The following ARMH1 variants were observed in gnomAD, a reference collection of about 807,000 sequenced individuals.
ARMH1 encodes armadillo like helical domain containing 1.
In ARMH1, 34 loss-of-function variants were observed where a neutral mutation model predicts 50.2. That is an observed-to-expected ratio of 0.68 (90% CI 0.51 to 0.90). The LOEUF (loss-of-function observed/expected upper bound fraction) is 0.90, where lower values mean the gene tolerates loss of function less well. ARMH1 is among the 40% of genes least tolerant of loss of function. The pLI is 0.00. For synonymous variants in ARMH1, 221 were observed against 224.2 expected, an observed-to-expected ratio of 0.99 and a Z score of 0.13; for missense variants, 538 against 553.9, an observed-to-expected ratio of 0.97 and a Z score of 0.29.
At chr1:44,708,436 G>C (rs1438528532) in intron 6 of ARMH1, among the ~76,000 whole-genome samples, 1 of 152,180 alleles carries the variant, frequency 6.6e-6, no homozygotes. Flanking sequence ...CTGAATATCT[G>C]TGATGTGCCA....
chr1:44,689,944 G>A (rs1464615335), intron 2 of ARMH1, 41 bp downstream of exon 2: 5 of 1,528,020 alleles, frequency 3.3e-6, no homozygotes. Context: ...TAGGCACCGG[G>A]CACGGTGGCT....
Position 44,700,848 on chromosome 1 carries a change from C to T in ARMH1, c.443-75C>T. ...TGGTTGAAGAGCTTTTAATCCTATT[C>T]ATATTATATAATCTTGAGTGGGGAT... On this transcript the variant is annotated intron_variant, in intron 4 of 11. Coordinates refer to ENST00000535358, the MANE Select transcript of ARMH1 (RefSeq NM_001145636.2). The T allele has an allele frequency of 3.1e-6, 4 of 1,298,768 alleles. No homozygotes were observed. The South Asian group carries it at 4.7e-5, about 15-fold the overall frequency. 80.5% of individuals were successfully genotyped at this position (1,298,768 alleles called of 1,614,324 possible). A position where few individuals can be genotyped will look rare whatever the true frequency, so the allele number is the denominator to read the frequency against.
intron 4 of ARMH1, among the ~76,000 whole-genome samples, chr1:44,700,575 C>G (rs1467389524): frequency 6.8e-6 from 1 of 147,186 alleles, no homozygotes; most frequent in Non-Finnish European, 1.5e-5. Context: ...GAGATCGCAC[C>G]ACTGTACTCC....
chr1:44,704,869 C>T (rs1193702928), intron 6 of ARMH1, among the ~76,000 whole-genome samples: 72 of 137,066 alleles, frequency 5.3e-4, no homozygotes, highest in Middle Eastern at 9.4e-3. Context: ...GAATCTCGCT[C>T]TGTCATCCAG....
chr1:44,721,794 C>G (rs138372675), intron 6 of ARMH1: 12 of 151,764 alleles, frequency 7.9e-5, no homozygotes, highest in African/African-American at 1.9e-4. Flanking sequence ...TCAGCCTTGC[C>G]TAGGCAAGAC....
chr1:44,676,935 GA>G (rs1323705055), intron 1 of ARMH1, among the ~76,000 whole-genome samples: 1 of 152,094 alleles, frequency 6.6e-6, no homozygotes, highest in Non-Finnish European at 1.5e-5. Flanking sequence ...TGGTGCCCTT[GA>G]AAAAAAGACT....
rs754538619 is a variant in ARMH1 at position 44,689,447 on chromosome 1, T to C, written c.-22-229T>C. Among the ~76,000 whole-genome samples the C allele has an allele frequency of 2.6e-5, 4 of 152,240 alleles. 1 individual carries two copies. The highest frequency in any genetic ancestry group is 5.9e-5 in the Non-Finnish European group (4 of 68,026). ...GGACGCCAAAGAGCTAAAATTTTAG[T>C]TCTTAAAGAGCAGACATTTAGCACA... On this transcript the variant is annotated intron_variant, in intron 1 of 11. Transcript: ENST00000535358.
At chr1:44,698,349 C>T (rs770289965) in intron 4 of ARMH1, 120 bp downstream of exon 4, 6 of 855,518 alleles carry the variant, frequency 7.0e-6, no homozygotes, top group Admixed American at 3.4e-5. Flanking sequence ...GCTTTTTGTG[C>T]TCCTGTCCAT....
chr1:44,710,552 T>C (rs978900197), intron 6 of ARMH1, among the ~76,000 whole-genome samples: 1 of 135,102 alleles, frequency 7.4e-6, no homozygotes, highest in African/African-American at 2.9e-5. Flanking sequence ...GAGCTTGCAG[T>C]GAGCCGAGAT....
intron 6 of ARMH1, among the ~76,000 whole-genome samples, chr1:44,716,939 T>G (rs114128295): frequency 0.011 from 1,738 of 151,580 alleles, 29 homozygotes; most frequent in African/African-American, 0.041. Context: ...CAACCTCTGC[T>G]GCACAGGTAA....
intron 6 of ARMH1, among the ~76,000 whole-genome samples, chr1:44,718,196 G>A (rs981847023): frequency 6.6e-6 from 1 of 152,160 alleles, no homozygotes; most frequent in Non-Finnish European, 1.5e-5. Flanking sequence ...ACCAAGTCAT[G>A]TCTTGCTGCA....
chr1:44,720,127 G>T (rs1344498670), intron 6 of ARMH1, among the ~76,000 whole-genome samples: 7 of 149,580 alleles, frequency 4.7e-5, no homozygotes, highest in African/African-American at 1.5e-4. Context: ...AATCCATGAG[G>T]CAGAGGTTGC....
chr1:44,689,688 C>T lies in ARMH1; in HGVS notation c.-10C>T. 1 of 1,551,766 alleles carries T rather than the reference C, an allele frequency of 6.4e-7. No individual in the cohort carries two copies. ...CCTCCCTCTGTAGCCAACTTCAGGA[C>T]TGATTGATCATGACTTCTATAAAGG... On this transcript the variant is annotated 5_prime_UTR_variant, in exon 2 of 12. Coordinates refer to ENST00000535358, the MANE Select transcript of ARMH1 (RefSeq NM_001145636.2).
intron 6 of ARMH1, among the ~76,000 whole-genome samples, chr1:44,720,794 C>T (rs767524660): frequency 1.3e-5 from 2 of 151,870 alleles, no homozygotes; most frequent in Admixed American, 6.6e-5. Context: ...CCAGCACTTT[C>T]GGAGGCCAAG....
rs1158735635 is a variant in ARMH1, at chr1:44,682,032, C to T, written c.-23+7159C>T. ...TCTGCCCTGCCAGTCTGTAAGCACC[C>T]GAGGGCAAGGTCTATGTTTGTCACG... On this transcript the variant is annotated intron_variant, in intron 1 of 11. Transcript: ENST00000535358. This position sits in a 1 kb window ranked among gnomAD's most constrained non-coding sequence, Gnocchi z 4.5. Among the ~76,000 whole-genome samples the T allele has an allele frequency of 6.6e-6, 1 of 152,256 alleles. No homozygotes were observed. The highest frequency in any genetic ancestry group is 2.4e-5 in the African/African-American group (1 of 41,546).
Position 44,697,170 on chromosome 1 carries a change from G to A in ARMH1, c.275G>A (p.Ser92Asn). Residue 92 changes from serine (S) to asparagine (N), a missense_variant and splice_region_variant, in exon 3 of 12, where the codon AGT (serine) becomes AAT (asparagine). Coordinates refer to ENST00000535358, the MANE Select transcript of ARMH1 (RefSeq NM_001145636.2). ...SIGIFLSAVS[S>N]NRYLIEFLEV... is the part of the protein sequence containing the mutation. The stretch of plus-strand genomic sequence containing the variant: ...GGCATCTTCTTATCAGCTGTAAGCA[G>A]GTGAGTTCTGTTCTAGCGTGATTCT... The A allele has an allele frequency of 6.4e-7, 1 of 1,551,392 alleles. No individual in the cohort carries two copies. The highest frequency in any genetic ancestry group is 8.7e-7 in the Non-Finnish European group (1 of 1,146,286).
chr1:44,689,921 GA>G lies in ARMH1; in HGVS notation c.206+29del, dbSNP rs373236704. 17,836 of 1,094,144 alleles carry G rather than the reference GA, an allele frequency of 0.016. 8 individuals are homozygous for G. The highest frequency in any genetic ancestry group is 0.021 in the Admixed American group (681 of 33,214). The allele number at this position is 1,094,144 out of a possible 1,614,324, so 67.8% of individuals were successfully genotyped here. On this transcript the variant is annotated intron_variant, in intron 2 of 11. Transcript: ENST00000535358. ...AGAATCACGTATCCTTTACTGAACA[GA>G]AAAAAAAAAATTAGGCACCGGGCAC... is the stretch of plus-strand genomic sequence containing the variant.
intron 6 of ARMH1, among the ~76,000 whole-genome samples, chr1:44,720,592 A>G (rs1647058337): frequency 6.6e-6 from 1 of 152,172 alleles, no homozygotes; most frequent in Non-Finnish European, 1.5e-5. Context: ...ATTCTATAGC[A>G]AGAATTCTAT....
chr1:44,697,162 T>C lies in ARMH1; in HGVS notation c.267T>C (p.Ala89=). 1 of 1,551,672 alleles carries C rather than the reference T, an allele frequency of 6.4e-7. No individual in the cohort carries two copies. Among genetic ancestry groups the C allele is most frequent in the Non-Finnish European group, 8.7e-7 (1 of 1,146,540 alleles). The change falls in exon 3 of 12, where the codon GCT becomes GCC. Residue 89 remains alanine, a synonymous_variant. Transcript: ENST00000535358. ...GGTCCATTGGCATCTTCTTATCAGC[T>C]GTAAGCAGGTGAGTTCTGTTCTAGC... ...LLRSIGIFLS[A]VSSNRYLIEF...
Sources: gnomAD v4.1 joint callset for allele counts (sites outside exome capture counted in the v4.1 genomes callset) on GRCh38, gnomAD v4.1.1 for gene constraint, Gnocchi (gnomAD v3.1) non-coding constraint, MANE v1.5 for transcripts, NCBI Gene and HGNC (gene_info 2026-07-23, HGNC 2026-07-21) for gene names.